Variants in ATPAF1 observed in about 807,000 individuals in gnomAD.
ATPAF1 encodes ATP synthase mitochondrial F1 complex assembly factor 1.
ATPAF1 carries 26 observed loss-of-function variants against 43.9 expected under a neutral mutation model. That is an observed-to-expected ratio of 0.59 (90% CI 0.43 to 0.82). ATPAF1 has a LOEUF of 0.82. ATPAF1 is among the 40% of genes least tolerant of loss of function. The pLI is 0.00. For synonymous variants in ATPAF1, 157 were observed against 168.0 expected (o/e 0.93, Z 0.50); for missense variants, 366 against 435.0 (o/e 0.84, Z 1.41).
rs759777327 is a variant in ATPAF1, at chr1:46,668,090, T to A, written c.233A>T (p.Asp78Val). 3 of 1,453,572 alleles carry A rather than the reference T, an allele frequency of 2.1e-6. No homozygotes were observed. Among genetic ancestry groups the A allele is most frequent in the Non-Finnish European group, 2.7e-6 (3 of 1,101,310 alleles). 90.0% of individuals were successfully genotyped at this position (1,453,572 alleles called of 1,614,324 possible). ...CAGCTGGATCTTGTCGCGGTAGCGGTCGTAGAAAGGGTTGGCCTGGAGCTC... is the reference window on the plus strand; with the variant it reads ...CAGCTGGATCTTGTCGCGGTAGCGGACGTAGAAAGGGTTGGCCTGGAGCTC... Residue 78 changes from aspartate (D) to valine (V), a missense_variant, in exon 1 of 9, where the codon GAC becomes GTC. Asp to Val is a radical substitution (Grantham distance 152, BLOSUM62 -3). Around this residue, in one of 2 missense-constraint regions of ATPAF1, gnomAD observed 186 missense variants for 168.5 expected, o/e 1.10. Coordinates refer to ENST00000574428, the Ensembl canonical transcript of ATPAF1. This position sits in a 1 kb window ranked among gnomAD's most constrained non-coding sequence, Gnocchi z 4.4.
chr1:46,659,606 G>C (rs1292467952), intron 2 of ATPAF1, among the ~76,000 whole-genome samples: 1 of 152,072 alleles, frequency 6.6e-6, no homozygotes, highest in East Asian at 1.9e-4. Context: ...TGATTATTTT[G>C]TCTCGTAGCC....
chr1:46,653,829 G>A lies in ATPAF1; in HGVS notation c.528C>T (p.Tyr176=), dbSNP rs766181455. The change falls in exon 5 of 9, where the codon TAC becomes TAT. Residue 176 remains tyrosine, a synonymous_variant. Coordinates refer to ENST00000574428, the Ensembl canonical transcript of ATPAF1. The surrounding 1 kb of genome is among the most constrained non-coding windows in gnomAD (Gnocchi z 4.8). ...CCAAACTACTTACAGGAATAACTGC[G>A]TAGACTGTATCTTTTGCTGCAAAAT... 24 of 1,610,890 alleles carry A rather than the reference G, an allele frequency of 1.5e-5. No homozygotes were observed. The highest frequency in any genetic ancestry group is 6.7e-5 in the South Asian group (6 of 90,216).
At chr1:46,666,013 G>T in intron 1 of ATPAF1, 1 of 360,546 alleles carries the variant, frequency 2.8e-6, no homozygotes, top group Non-Finnish European at 4.4e-6. Context: ...CTAACCATGG[G>T]ATATTTGGTT....
At chr1:46,647,503 TACACACACAC>T (rs56095996) in intron 6 of ATPAF1, among the ~76,000 whole-genome samples, 4 of 150,716 alleles carry the variant, frequency 2.7e-5, no homozygotes, top group African/African-American at 9.7e-5. Flanking sequence ...TATACACACA[TACACACACAC>T]ACACACACAC....
chr1:46,663,485 T>G (rs1271860683), intron 2 of ATPAF1, among the ~76,000 whole-genome samples: 1 of 152,380 alleles, frequency 6.6e-6, no homozygotes, highest in East Asian at 1.9e-4. Flanking sequence ...CTAACTGGTG[T>G]GAGATGGTAT....
chr1:46,641,289 G>A (rs553604128), intron 8 of ATPAF1, among the ~76,000 whole-genome samples: 1 of 152,010 alleles, frequency 6.6e-6, no homozygotes, highest in Non-Finnish European at 1.5e-5. Flanking sequence ...ACATTGGCCA[G>A]GCTGGTCTCA....
intron 6 of ATPAF1, among the ~76,000 whole-genome samples, chr1:46,647,416 C>A (rs1569606439): frequency 6.6e-6 from 1 of 152,278 alleles, no homozygotes; most frequent in Non-Finnish European, 1.5e-5. Flanking sequence ...ACATATGGCC[C>A]TTTCACAGAA....
intron 1 of ATPAF1, 189 bp from the exon 2 acceptor site, chr1:46,665,553 C>T: frequency 8.2e-7 from 1 of 1,216,722 alleles, no homozygotes; most frequent in Non-Finnish European, 1.2e-6. Flanking sequence ...TCCTGTTATT[C>T]AACTGTTGTT....
rs4660952 is a variant in ATPAF1, at chr1:46,635,926, G to C, written c.837C>G (p.Phe279Leu). ...AGGTCTCTTTCCGATCAGTAGCGTA[G>C]AAGAGCTGAACTTGGTTGGCGATGC... Residue 279 changes from phenylalanine to leucine, a missense_variant, in exon 9 of 9, where the codon TTC (phenylalanine) becomes TTG (leucine). Physicochemically the swap from Phe to Leu is conservative, Grantham distance 22. Coordinates refer to ENST00000574428, the Ensembl canonical transcript of ATPAF1. The C allele has an allele frequency of 2.5e-6, 4 of 1,614,256 alleles. No individual in the cohort carries two copies. The South Asian group carries it at 3.3e-5, about 13-fold the overall frequency.
rs1489643454 is a variant in ATPAF1 at position 46,653,075 on chromosome 1, T to G, written c.541-447A>C. ...ATACCATCATAACCACCAAAAGGCCTGGCTTTATCCTTCCATCTATATGTT... is the reference window on the plus strand; with the variant it reads ...ATACCATCATAACCACCAAAAGGCCGGGCTTTATCCTTCCATCTATATGTT... On this transcript the variant is annotated intron_variant, in intron 5 of 8. Transcript: ENST00000574428. The surrounding 1 kb of genome is among the most constrained non-coding windows in gnomAD (Gnocchi z 4.8). Among the ~76,000 whole-genome samples, 1 of 152,180 alleles carries G rather than the reference T, an allele frequency of 6.6e-6. No homozygotes were observed. The highest frequency in any genetic ancestry group is 2.4e-5 in the African/African-American group (1 of 41,460).
At chr1:46,667,965 G>A (rs1461798897) in intron 1 of ATPAF1, 92 bp downstream of exon 1, 2 of 1,040,772 alleles carry the variant, frequency 1.9e-6, no homozygotes, top group Non-Finnish European at 1.3e-6. Context: ...GACAGTACTA[G>A]TGCCCACCTC....
intron 4 of ATPAF1, among the ~76,000 whole-genome samples, chr1:46,656,569 A>G (rs938872858): frequency 2.0e-5 from 3 of 152,186 alleles, no homozygotes; most frequent in African/African-American, 7.2e-5. Flanking sequence ...TTAATTTATG[A>G]TATTAGCAGA....
chr1:46,651,096 CCACT>C (rs1159528520), intron 6 of ATPAF1, among the ~76,000 whole-genome samples: 1 of 151,808 alleles, frequency 6.6e-6, no homozygotes, highest in African/African-American at 2.4e-5. Context: ...TGCGCTGCAC[CCACT>C]AACTCGTCAT....
chr1:46,643,226 G>A lies in ATPAF1; in HGVS notation c.760C>T (p.Leu254=), dbSNP rs776698866. 4 of 1,613,844 alleles carry A rather than the reference G, an allele frequency of 2.5e-6. No individual in the cohort carries two copies. The Admixed American group carries it at 6.7e-5, about 27-fold the overall frequency. The change falls in exon 8 of 9, where the codon CTG becomes TTG. Residue 254 remains leucine, a synonymous_variant. Transcript: ENST00000574428. ...GTGGAATCCATTTCTGCAGTCATCA[G>A]CACTATGCCCTTTTCTTCCTTAAGT...
chr1:46,637,628 A>G (rs905164690), intron 8 of ATPAF1, among the ~76,000 whole-genome samples: 19 of 152,126 alleles, frequency 1.2e-4, no homozygotes, highest in African/African-American at 4.6e-4. Flanking sequence ...AATGATGAAG[A>G]CGGGTTTATA....
chr1:46,655,749 C>T (rs1334923665), intron 4 of ATPAF1, among the ~76,000 whole-genome samples: 3 of 152,172 alleles, frequency 2.0e-5, no homozygotes, highest in Non-Finnish European at 4.4e-5. Context: ...CCAAATTCTT[C>T]CTGTACTCTG....
upstream of ATPAF1, chr1:46,668,493 G>C: frequency 1.6e-5 from 11 of 702,742 alleles, no homozygotes; most frequent in East Asian, 1.5e-4. This position sits in a 1 kb window ranked among gnomAD's most constrained non-coding sequence, Gnocchi z 4.4. Flanking sequence ...AGGAGGGGGC[G>C]CGCCGCTCTG....
In ATPAF1 at chr1:46,635,711, G is replaced by A. The variant is rs950524552; in HGVS notation, c.*65C>T. The stretch of plus-strand genomic sequence containing the variant: ...AAATGCTGAGCTCTTGAGTTCCTGA[G>A]GAGGGGGTGGGCTCTAGACTATCGA... On this transcript the variant is annotated 3_prime_UTR_variant, in exon 9 of 9. Coordinates refer to ENST00000574428, the Ensembl canonical transcript of ATPAF1. 1.0e-5 allele frequency: 15 copies of A among 1,467,032 alleles called. No individual in the cohort carries two copies. The African/African-American group carries it at 2.1e-4, about 21-fold the overall frequency. 90.9% of individuals were successfully genotyped at this position (1,467,032 alleles called of 1,614,324 possible).
Position 46,668,140 on chromosome 1 carries a change from G to C in ATPAF1, c.183C>G (p.Asp61Glu). The change falls in exon 1 of 9, where the codon GAC (aspartate) becomes GAG (glutamate). Residue 61 changes from aspartate (D) to glutamate (E), a missense_variant. Asp to Glu is a conservative substitution (Grantham distance 45, BLOSUM62 2). Transcript: ENST00000574428. This position sits in a 1 kb window ranked among gnomAD's most constrained non-coding sequence, Gnocchi z 4.4. ...CGGCCTCGGCCCCGACCCCGCTGCT[G>C]TCGGCGCCCCCCTCGGGCCGGCCCG... The C allele has an allele frequency of 7.1e-7, 1 of 1,402,336 alleles. No individual in the cohort carries two copies. The highest frequency in any genetic ancestry group is 9.3e-7 in the Non-Finnish European group (1 of 1,078,792). The allele number at this position is 1,402,336 out of a possible 1,614,324, so 86.9% of individuals were successfully genotyped here.
Sources: gnomAD v4.1 joint callset for allele counts (sites outside exome capture counted in the v4.1 genomes callset) on GRCh38, gnomAD v4.1.1 for gene constraint, gnomAD v4.1.1 regional missense constraint, Gnocchi (gnomAD v3.1) non-coding constraint, MANE v1.5 for transcripts, NCBI Gene and HGNC (gene_info 2026-07-23, HGNC 2026-07-21) for gene names.